YJU2: variants seen among roughly 807,000 people sequenced by gnomAD.
YJU2 encodes the protein splicing factor YJU2.
A neutral mutation model predicts 39.6 loss-of-function variants in YJU2; 28 were observed. The observed-to-expected ratio is 0.71, with a 90% CI of 0.52 to 0.97. The LOEUF (loss-of-function observed/expected upper bound fraction) is 0.97, where lower values mean the gene tolerates loss of function less well. YJU2 is among the 50% of genes least tolerant of loss of function. YJU2 has a pLI of 0.00. For missense variants in YJU2, 328 were observed against 430.4 expected (o/e 0.76, Z 2.11); for synonymous variants, 184 against 182.4 (o/e 1.01, Z -0.07).
intron 7 of YJU2, among the ~76,000 whole-genome samples, chr19:4,268,191 C>T (rs1971132678): frequency 6.6e-6 from 1 of 152,242 alleles, no homozygotes; most frequent in Non-Finnish European, 1.5e-5. Flanking sequence ...GTGATCCACT[C>T]ACCTCGGCCT....
chr19:4,253,901 A>T (rs1405149664), intron 3 of YJU2, among the ~76,000 whole-genome samples: 2 of 151,402 alleles, frequency 1.3e-5, no homozygotes, highest in Non-Finnish European at 2.9e-5. Flanking sequence ...TCAGCCTCCC[A>T]GGTTCATGTG....
At chr19:4,260,939 T>C (rs1971065721) in intron 5 of YJU2, among the ~76,000 whole-genome samples, 1 of 152,174 alleles carries the variant, frequency 6.6e-6, no homozygotes, top group African/African-American at 2.4e-5. Context: ...GCTTGAATTA[T>C]GAGGATGAGC....
In YJU2 at chr19:4,261,732, G is replaced by A. The variant is rs190814003; in HGVS notation, c.588-262G>A. ...TGGACCCAGCTACTCAGGAAGCTGA[G>A]TGGGGAGGATCGCTTGAGCCCAGGA... On this transcript the variant is annotated intron_variant, in intron 5 of 7. Coordinates refer to ENST00000262962, the MANE Select transcript of YJU2 (RefSeq NM_018074.6). 5.3e-5 allele frequency among the ~76,000 whole-genome samples: 8 copies of A among 152,220 alleles called. No homozygotes were observed. The East Asian group carries it at 1.2e-3, about 22-fold the overall frequency.
intron 3 of YJU2, among the ~76,000 whole-genome samples, chr19:4,251,877 C>T (rs1298952431): frequency 6.6e-6 from 1 of 151,786 alleles, no homozygotes; most frequent in Non-Finnish European, 1.5e-5. Context: ...ATCTCAGGTA[C>T]TTGGGAGACC....
rs769486104 is a variant in YJU2 at position 4,258,254 on chromosome 19, C to T, written c.418C>T (p.Arg140Trp). Reference protein sequence around the residue: ...LNNPMKVLENRTKDSKLEMEV... With the variant: ...LNNPMKVLENWTKDSKLEMEV... ...CCGCGCCCGCCAGGTGCTGGAGAACCGGACCAAGGACTCCAAGCTGGAGAT... is the reference window on the plus strand; with the variant it reads ...CCGCGCCCGCCAGGTGCTGGAGAACTGGACCAAGGACTCCAAGCTGGAGAT... The change falls in exon 5 of 8, where the codon CGG becomes TGG. Residue 140 changes from arginine to tryptophan, a missense_variant. This residue lies in a region of YJU2 where 244 missense variants were observed against 264.6 expected (regional missense o/e 0.92). Coordinates refer to ENST00000262962, the MANE Select transcript of YJU2 (RefSeq NM_018074.6). 1 of 1,553,132 alleles carries T rather than the reference C, an allele frequency of 6.4e-7. No homozygotes were observed.
At chr19:4,247,582 CGTGTGTGTGTGTGTGTGTGTGTGTGTGT>C (rs1348900052) in intron 1 of YJU2, among the ~76,000 whole-genome samples, 34 of 27,212 alleles carry the variant, frequency 1.2e-3, no homozygotes, top group African/African-American at 2.5e-3. Context: ...TGGGGTGGCG[CGTGTGTGTGTGTGTGTGTGTGTGTGTGT>C]GTGTGTGTGT....
At chr19:4,259,535 A>G (rs999694561) in intron 5 of YJU2, among the ~76,000 whole-genome samples, 16 of 152,186 alleles carry the variant, frequency 1.1e-4, no homozygotes, top group African/African-American at 3.6e-4. Flanking sequence ...ACACATCACC[A>G]TGCCCAGCTA....
At chr19:4,248,961 C>T (rs556227255) in intron 1 of YJU2, among the ~76,000 whole-genome samples, 37 of 152,176 alleles carry the variant, frequency 2.4e-4, no homozygotes, top group African/African-American at 8.7e-4. Context: ...TAGAGCTTCC[C>T]GTGTAGACAG....
intron 4 of YJU2, 149 bp from the exon 5 acceptor site, chr19:4,258,093 G>A (rs955366956): frequency 5.2e-6 from 6 of 1,164,506 alleles, no homozygotes; most frequent in Middle Eastern, 2.9e-4. Context: ...TGGACACAGC[G>A]CTGGGCATGG....
chr19:4,261,617 C>T (rs184886617), intron 5 of YJU2, among the ~76,000 whole-genome samples: 229 of 152,034 alleles, frequency 1.5e-3, no homozygotes, highest in Non-Finnish European at 2.0e-3. Flanking sequence ...GCCAAGATTG[C>T]GCCACTGCAC....
chr19:4,247,582 CGTGTGTGTGTGTGTGTGTGTGT>C (rs1348900052), intron 1 of YJU2, among the ~76,000 whole-genome samples: 11 of 27,298 alleles, frequency 4.0e-4, no homozygotes, highest in South Asian at 2.6e-3. Flanking sequence ...TGGGGTGGCG[CGTGTGTGTGTGTGTGTGTGTGT>C]GTGTGTGTGT....
rs1970955898 is a variant in YJU2 at position 4,249,242 on chromosome 19, G to A, written c.39G>A (p.Pro13=). ...ERKVLNKYYP[P]DFDPSKIPKL... ...CTCCCCTGCAGAAATACTACCCGCC[G>A]GACTTTGACCCATCAAAGATCCCCA... The change falls in exon 2 of 8, where the codon CCG becomes CCA. Residue 13 remains proline, a synonymous_variant. Coordinates refer to ENST00000262962, the MANE Select transcript of YJU2 (RefSeq NM_018074.6). 6 of 1,612,384 alleles carry A rather than the reference G, an allele frequency of 3.7e-6. No homozygotes were observed. The highest frequency in any genetic ancestry group is 2.2e-5 in the East Asian group (1 of 44,824).
intron 5 of YJU2, among the ~76,000 whole-genome samples, chr19:4,259,382 G>A (rs532917708): frequency 6.6e-6 from 1 of 150,994 alleles, no homozygotes; most frequent in African/African-American, 2.4e-5. Flanking sequence ...CCCGGACGAC[G>A]CTTTTCTTTT....
intron 5 of YJU2, among the ~76,000 whole-genome samples, chr19:4,259,829 G>T (rs1971056642): frequency 6.6e-6 from 1 of 152,162 alleles, no homozygotes; most frequent in East Asian, 1.9e-4. Context: ...CCAGCAGGTA[G>T]GTTCTGGTAG....
chr19:4,267,739 G>A lies in YJU2; in HGVS notation c.824G>A (p.Cys275Tyr), dbSNP rs777515723. ...AAGAAGGCAAAGGCCGACCCGGACT[G>A]CAGCAACGGGCAGCCTCAGGCGGCC... ...VVKKAKADPD[C>Y]SNGQPQAAPT... is the part of the protein sequence containing the mutation. Residue 275 changes from cysteine to tyrosine, a missense_variant, in exon 7 of 8, where the codon TGC (cysteine) becomes TAC (tyrosine). Coordinates refer to ENST00000262962, the MANE Select transcript of YJU2 (RefSeq NM_018074.6). The A allele has an allele frequency of 3.7e-6, 6 of 1,612,664 alleles. No individual in the cohort carries two copies. Among genetic ancestry groups the A allele is most frequent in the Non-Finnish European group, 5.1e-6 (6 of 1,179,774 alleles).
chr19:4,260,534 C>T (rs58952231), intron 5 of YJU2, among the ~76,000 whole-genome samples: 1 of 149,596 alleles, frequency 6.7e-6, no homozygotes, highest in Non-Finnish European at 1.5e-5. Context: ...GTCAGGAGTT[C>T]GAGACCAGCC....
At chr19:4,253,092 G>A (rs1263510554) in intron 3 of YJU2, among the ~76,000 whole-genome samples, 3 of 151,838 alleles carry the variant, frequency 2.0e-5, no homozygotes, top group South Asian at 2.1e-4. Flanking sequence ...GTGGGGCCAG[G>A]CATGGTGGCT....
chr19:4,264,507 A>T (rs527338517), intron 6 of YJU2, among the ~76,000 whole-genome samples: 2 of 141,912 alleles, frequency 1.4e-5, no homozygotes, highest in African/African-American at 5.3e-5. Flanking sequence ...TTTTTTTTTT[A>T]GACAGTTTCA....
At position 4,259,227 on chromosome 19, in the gene YJU2, C is replaced by CT; in HGVS notation, c.587+804_587+805insT. Among the ~76,000 whole-genome samples the CT allele has an allele frequency of 2.0e-5, 3 of 150,400 alleles. No individual in the cohort carries two copies. The South Asian group carries it at 6.3e-4, about 31-fold the overall frequency. On this transcript the variant is annotated intron_variant, in intron 5 of 7. Coordinates refer to ENST00000262962, the MANE Select transcript of YJU2 (RefSeq NM_018074.6). ...CCGAGTAGCTGGGATTAGAGGCATC[C>CT]GCCACCAAGCCCGGCTAATTTTTTG...
Sources: allele counts gnomAD v4.1 joint callset (sites outside exome capture counted in the v4.1 genomes callset), GRCh38; gene constraint gnomAD v4.1.1; regional missense constraint gnomAD v4.1.1; transcripts MANE v1.5; gene names NCBI Gene and HGNC (gene_info 2026-07-23, HGNC 2026-07-21).